Variants in RBPMS observed in about 807,000 individuals in gnomAD.
The protein encoded by RBPMS is RNA-binding protein with multiple splicing.
Under a neutral mutation model 26.8 loss-of-function variants are expected in RBPMS, and 7 were observed. That is an observed-to-expected ratio of 0.26 (90% CI 0.15 to 0.49). The LOEUF (loss-of-function observed/expected upper bound fraction) is 0.49, where lower values mean the gene tolerates loss of function less well. Ranked by LOEUF, RBPMS falls within the 20% of genes least tolerant of loss-of-function variation. The pLI, the probability that RBPMS is intolerant of heterozygous loss-of-function variation, is 0.98. For synonymous variants in RBPMS, 96 were observed against 93.3 expected (o/e 1.03, Z -0.17); for missense variants, 186 against 250.0 (o/e 0.74, Z 1.73).
intron 1 of RBPMS, among the ~76,000 whole-genome samples, chr8:30,388,605 C>T (rs1807406823): frequency 6.8e-6 from 1 of 146,402 alleles, no homozygotes; most frequent in Non-Finnish European, 1.5e-5. Flanking sequence ...ATAGCTATAG[C>T]TATAAGCTAA....
intron 1 of RBPMS, among the ~76,000 whole-genome samples, chr8:30,426,745 T>C (rs924641185): frequency 1.3e-5 from 2 of 149,596 alleles, no homozygotes; most frequent in African/African-American, 5.0e-5. Flanking sequence ...TGCTCGGAGG[T>C]CTGACTCCCA....
chr8:30,424,830 A>G (rs1174617049), intron 1 of RBPMS, among the ~76,000 whole-genome samples: 1 of 152,204 alleles, frequency 6.6e-6, no homozygotes, highest in Non-Finnish European at 1.5e-5. Context: ...AGTCCTTTGA[A>G]GCATGGCTGT....
intron 5 of RBPMS, chr8:30,537,712 C>A: frequency 2.2e-6 from 1 of 452,248 alleles, no homozygotes; most frequent in Non-Finnish European, 4.5e-6. Context: ...TGTGTCTCAG[C>A]TTTCTCATAA....
rs1824330877 is a variant in RBPMS at position 30,532,482 on chromosome 8, C to CTAGG, written c.398-12010_398-12007dup. ...ATTCGCATTCAGTTTTTATAATGAACTAGGTGTTAGTTTTTATTTTTATCT... is the reference window on the plus strand; with the variant it reads ...ATTCGCATTCAGTTTTTATAATGAACTAGGTAGGTGTTAGTTTTTATTTTTATCT... On this transcript the variant is annotated intron_variant, in intron 5 of 8. Coordinates refer to ENST00000397323, the MANE Select transcript of RBPMS (RefSeq NM_001008710.3). Among the ~76,000 whole-genome samples the CTAGG allele has an allele frequency of 2.0e-5, 3 of 152,104 alleles. No homozygotes were observed. In the South Asian group the frequency reaches 6.2e-4, roughly 32 times the overall value.
intron 1 of RBPMS, among the ~76,000 whole-genome samples, chr8:30,472,097 G>A (rs1817175046): frequency 6.6e-6 from 1 of 151,994 alleles, no homozygotes; most frequent in African/African-American, 2.4e-5. Flanking sequence ...TCCATACAAA[G>A]ATTTGTACAT....
chr8:30,455,627 C>A (rs879542373), intron 1 of RBPMS, among the ~76,000 whole-genome samples: 4 of 152,086 alleles, frequency 2.6e-5, no homozygotes, highest in African/African-American at 9.7e-5. Context: ...TGGGAGCTCA[C>A]GCCTGTAATC....
At chr8:30,483,000 G>A (rs543704927) in intron 4 of RBPMS, among the ~76,000 whole-genome samples, 1 of 152,326 alleles carries the variant, frequency 6.6e-6, no homozygotes, top group East Asian at 1.9e-4. Flanking sequence ...AGCAGCGCAT[G>A]TTGAAGGGTA....
intron 1 of RBPMS, among the ~76,000 whole-genome samples, chr8:30,421,070 AG>A (rs1554509691): frequency 6.6e-6 from 1 of 152,082 alleles, no homozygotes; most frequent in Non-Finnish European, 1.5e-5. Flanking sequence ...TGAATTGTGA[AG>A]ATGATGAGCT....
intron 5 of RBPMS, among the ~76,000 whole-genome samples, chr8:30,514,548 A>AT (rs551380184): frequency 9.4e-4 from 141 of 149,852 alleles, no homozygotes; most frequent in Non-Finnish European, 1.7e-3. Context: ...ATGTTAATGA[A>AT]TTTTTTTTTT....
chr8:30,456,910 G>C (rs960381140), intron 1 of RBPMS, among the ~76,000 whole-genome samples: 1 of 152,244 alleles, frequency 6.6e-6, no homozygotes, highest in Non-Finnish European at 1.5e-5. Context: ...GACAGAGCGA[G>C]ACTCCATCTC....
intron 1 of RBPMS, among the ~76,000 whole-genome samples, chr8:30,443,367 G>A (rs574330319): frequency 9.2e-5 from 14 of 152,136 alleles, no homozygotes; most frequent in Non-Finnish European, 1.8e-4. Context: ...AAAAGGTTGC[G>A]TAGTATAGTG....
At chr8:30,388,337 T>G (rs1030991602) in intron 1 of RBPMS, among the ~76,000 whole-genome samples, 2 of 151,768 alleles carry the variant, frequency 1.3e-5, no homozygotes, top group Admixed American at 6.6e-5. Flanking sequence ...TCTTACCTAA[T>G]CAGTTATAAT....
chr8:30,481,387 C>G (rs919860002), intron 4 of RBPMS, among the ~76,000 whole-genome samples: 1 of 152,080 alleles, frequency 6.6e-6, no homozygotes, highest in Non-Finnish European at 1.5e-5. Flanking sequence ...TTCTTGGTGC[C>G]CAAAGGTTAT....
intron 5 of RBPMS, among the ~76,000 whole-genome samples, chr8:30,540,456 C>CTGT (rs1189703437): frequency 1.3e-5 from 2 of 152,178 alleles, no homozygotes; most frequent in African/African-American, 4.8e-5. Context: ...GGGTCTTACT[C>CTGT]TGTTGCCCTG....
At chr8:30,570,388 T>A (rs1299412972) in intron 8 of RBPMS, among the ~76,000 whole-genome samples, 1 of 152,188 alleles carries the variant, frequency 6.6e-6, no homozygotes, top group Non-Finnish European at 1.5e-5. Context: ...ACAATATAGC[T>A]GAGATGTGTT....
intron 1 of RBPMS, among the ~76,000 whole-genome samples, chr8:30,460,642 A>T (rs1003939881): frequency 2.6e-5 from 4 of 152,200 alleles, no homozygotes; most frequent in African/African-American, 9.7e-5. Flanking sequence ...TATAGCTAAG[A>T]TTTCTTATAC....
intron 5 of RBPMS, among the ~76,000 whole-genome samples, chr8:30,517,018 T>C (rs1417252858): frequency 6.6e-6 from 1 of 152,132 alleles, no homozygotes; most frequent in Non-Finnish European, 1.5e-5. Flanking sequence ...AAAATTATGT[T>C]ACCCACCCAG....
intron 5 of RBPMS, among the ~76,000 whole-genome samples, chr8:30,511,486 A>ATAT (rs1212814521): frequency 1.3e-4 from 3 of 23,570 alleles, no homozygotes; most frequent in Admixed American, 4.4e-4. Context: ...AAAAAAAAAA[A>ATAT]ATATATATAT....
At chr8:30,441,311 AGT>A (rs1273795048) in intron 1 of RBPMS, among the ~76,000 whole-genome samples, 1 of 152,200 alleles carries the variant, frequency 6.6e-6, no homozygotes, top group African/African-American at 2.4e-5. Flanking sequence ...GGTCTGGTGC[AGT>A]GTATCATTGT....
Sources: gnomAD v4.1 joint callset for allele counts (sites outside exome capture counted in the v4.1 genomes callset) on GRCh38, gnomAD v4.1.1 for gene constraint, MANE v1.5 for transcripts, NCBI Gene and HGNC (gene_info 2026-07-23, HGNC 2026-07-21) for gene names.